Variants in HIKESHI observed in about 807,000 individuals in gnomAD.
The protein encoded by HIKESHI is heat shock protein nuclear import factor hikeshi.
HIKESHI carries 13 observed loss-of-function variants against 25.7 expected under a neutral mutation model. The observed-to-expected ratio is 0.51, with a 90% confidence interval of 0.33 to 0.80. The LOEUF (loss-of-function observed/expected upper bound fraction) is 0.80. Among genes scored for constraint, HIKESHI ranks in the 30% least tolerant of loss-of-function variants. HIKESHI has a pLI of 0.02. For missense variants in HIKESHI, 174 were observed against 229.5 expected (o/e 0.76, Z 1.56); for synonymous variants, 76 against 78.7 (o/e 0.97, Z 0.18).
chr11:86,331,266 C>A (rs886479617), intron 2 of HIKESHI, among the ~76,000 whole-genome samples: 18 of 152,172 alleles, frequency 1.2e-4, no homozygotes, highest in African/African-American at 4.1e-4. Context: ...GAGGCGGGCG[C>A]ATCTTTGAGA....
intron 3 of HIKESHI, among the ~76,000 whole-genome samples, chr11:86,342,478 C>T (rs1172543997): frequency 2.7e-5 from 4 of 147,356 alleles, no homozygotes; most frequent in East Asian, 2.0e-4. Flanking sequence ...TAAAGATGTT[C>T]GTGTGTGTGT....
At chr11:86,308,795 C>A in intron 2 of HIKESHI, among the ~76,000 whole-genome samples, 1 of 151,928 alleles carries the variant, frequency 6.6e-6, no homozygotes, top group African/African-American at 2.4e-5. Context: ...GTTCAATTCC[C>A]ACCTATGAGT....
At chr11:86,306,066 T>A (rs1946614942) in intron 1 of HIKESHI, among the ~76,000 whole-genome samples, 179 bp from the exon 2 acceptor site, 1 of 152,164 alleles carries the variant, frequency 6.6e-6, no homozygotes, top group African/African-American at 2.4e-5. Flanking sequence ...TTTAGAAGAT[T>A]GCATTTAGTA....
intron 2 of HIKESHI, among the ~76,000 whole-genome samples, chr11:86,307,387 A>G (rs1365563281): frequency 8.1e-6 from 1 of 123,104 alleles, no homozygotes; most frequent in Middle Eastern, 0.011. Flanking sequence ...ATATCAATAT[A>G]TTATGTGTAA....
chr11:86,325,981 T>C (rs1947271958), intron 2 of HIKESHI, among the ~76,000 whole-genome samples: 1 of 151,984 alleles, frequency 6.6e-6, no homozygotes, highest in South Asian at 2.1e-4. Context: ...GGTTTTAGTC[T>C]GTAATGTGGA....
Position 86,302,353 on chromosome 11 carries a change from A to T in HIKESHI, c.-96A>T. 4.7e-6 allele frequency: 7 copies of T among 1,488,746 alleles called. No homozygotes were observed. The highest frequency in any genetic ancestry group is 5.5e-6 in the Non-Finnish European group (6 of 1,095,172). 92.2% of individuals were successfully genotyped at this position (1,488,746 alleles called of 1,614,324 possible). On this transcript the variant is annotated 5_prime_UTR_variant, in exon 1 of 5. Coordinates refer to ENST00000278483, the MANE Select transcript of HIKESHI (RefSeq NM_016401.4). ...TGGAGGGGCAGACACCCTCCCGCAAATTCTGGAAGGTTCTTAGTCTCGACT... is the reference window on the plus strand; with the variant it reads ...TGGAGGGGCAGACACCCTCCCGCAATTTCTGGAAGGTTCTTAGTCTCGACT...
At chr11:86,320,813 C>G (rs1214906994) in intron 2 of HIKESHI, among the ~76,000 whole-genome samples, 1 of 152,098 alleles carries the variant, frequency 6.6e-6, no homozygotes, top group East Asian at 1.9e-4. Flanking sequence ...TTTGCATTTT[C>G]TAGAGTTTTA....
rs980597672 is a variant in HIKESHI, at chr11:86,345,623, C to A, written c.579C>A (p.Leu193=). 3.2e-6 allele frequency: 5 copies of A among 1,551,112 alleles called. No homozygotes were observed. The highest frequency in any genetic ancestry group is 2.0e-4 in the Middle Eastern group (1 of 4,956). The change falls in exon 5 of 5, where the codon CTC becomes CTA. Residue 193 remains leucine, a synonymous_variant. Coordinates refer to ENST00000278483, the MANE Select transcript of HIKESHI (RefSeq NM_016401.4). ...AAAGACGACTAGCACAGAACCCTCT[C>A]TTTTGGAAAACATAATTTGAATAAA... ...NFQRRLAQNP[L]FWKT
intron 2 of HIKESHI, among the ~76,000 whole-genome samples, chr11:86,319,261 C>T (rs1178954220): frequency 1.5e-5 from 1 of 68,556 alleles, no homozygotes; most frequent in Non-Finnish European, 2.7e-5. Context: ...TTTTTTGAGA[C>T]CAGTCTCACT....
At chr11:86,344,083 C>T (rs1357271176) in intron 3 of HIKESHI, 2 of 152,288 alleles carry the variant, frequency 1.3e-5, no homozygotes, top group African/African-American at 2.4e-5. Context: ...CCAGTTGCTC[C>T]TTTATAATAT....
chr11:86,328,140 T>C (rs1327101542), intron 2 of HIKESHI, among the ~76,000 whole-genome samples: 1 of 152,260 alleles, frequency 6.6e-6, no homozygotes, highest in African/African-American at 2.4e-5. Flanking sequence ...AGAAAGTTTT[T>C]ATTGTTCCTG....
chr11:86,315,292 T>C (rs1175066713), intron 2 of HIKESHI, among the ~76,000 whole-genome samples: 1 of 151,628 alleles, frequency 6.6e-6, no homozygotes, highest in Non-Finnish European at 1.5e-5. Flanking sequence ...AATAGAATAA[T>C]ATCATTAAAG....
chr11:86,339,386 G>T (rs1565742834), intron 3 of HIKESHI, among the ~76,000 whole-genome samples: 2 of 152,166 alleles, frequency 1.3e-5, no homozygotes, highest in African/African-American at 2.4e-5. Context: ...ATACAAATAG[G>T]TCCACAAAAT....
intron 2 of HIKESHI, among the ~76,000 whole-genome samples, chr11:86,315,815 C>A (rs1946963019): frequency 6.6e-6 from 1 of 151,900 alleles, no homozygotes; most frequent in Non-Finnish European, 1.5e-5. Flanking sequence ...CAAATCTGGA[C>A]AACTTGATTG....
rs141646574 is a variant in HIKESHI at position 86,317,863 on chromosome 11, C to T, written c.268+11381C>T. On this transcript the variant is annotated intron_variant, in intron 2 of 4. Transcript: ENST00000278483. ...GTAATGTTATTAAAAATGTGAAGAA[C>T]AATAACTACAAGTTTAATAGAGTTT... Among the ~76,000 whole-genome samples the T allele has an allele frequency of 4.6e-3, 695 of 152,034 alleles. 5 individuals carry two copies. Among genetic ancestry groups the T allele is most frequent in the African/African-American group, 0.016 (659 of 41,492 alleles).
intron 3 of HIKESHI, among the ~76,000 whole-genome samples, chr11:86,339,794 G>C (rs191553750): frequency 6.6e-6 from 1 of 151,962 alleles, no homozygotes; most frequent in South Asian, 2.1e-4. Flanking sequence ...TGTGCAAAAC[G>C]TGCAGGTTTG....
intron 2 of HIKESHI, among the ~76,000 whole-genome samples, chr11:86,310,072 C>T (rs9667896): frequency 2.7e-3 from 402 of 147,884 alleles, no homozygotes; most frequent in African/African-American, 9.7e-3. Flanking sequence ...TCCATATGAA[C>T]TTTAAAGTAG....
chr11:86,340,792 G>A (rs113507119), intron 3 of HIKESHI, among the ~76,000 whole-genome samples: 13,342 of 152,072 alleles, frequency 0.088, 874 homozygotes, highest in African/African-American at 0.18. Flanking sequence ...TTACAGGCGC[G>A]TGCCACCAGG....
At chr11:86,332,782 C>G (rs1947456775) in intron 2 of HIKESHI, among the ~76,000 whole-genome samples, 2 of 152,234 alleles carry the variant, frequency 1.3e-5, no homozygotes, top group Non-Finnish European at 2.9e-5. Flanking sequence ...TATTCTTAAA[C>G]AACCCTTTAA....
Sources: allele counts gnomAD v4.1 joint callset (sites outside exome capture counted in the v4.1 genomes callset), GRCh38; gene constraint gnomAD v4.1.1; transcripts MANE v1.5; gene names NCBI Gene and HGNC (gene_info 2026-07-23, HGNC 2026-07-21).